The following BTBD18 variants were observed in gnomAD, a reference collection of about 807,000 sequenced individuals.
The protein encoded by BTBD18 is BTB domain containing 18.
For missense variants in BTBD18, 787 were observed against 846.3 expected (o/e 0.93, Z 0.87); for synonymous variants, 311 against 324.4 (o/e 0.96, Z 0.44).
In BTBD18 at chr11:57,743,911, T is replaced by C. The variant is rs555352298; in HGVS notation, c.*223A>G. 8.5e-4 allele frequency: 395 copies of C among 467,050 alleles called. No individual in the cohort carries two copies. Among genetic ancestry groups the C allele is most frequent in the Non-Finnish European group, 7.8e-4 (204 of 262,712 alleles). 28.9% of individuals were successfully genotyped at this position (467,050 alleles called of 1,614,324 possible). ...GTTTCAGTTGTCACTAACCGGAAAA[T>C]AGATTACAAATAAGATGGTACAAGT... is the stretch of plus-strand genomic sequence containing the variant. On this transcript the variant is annotated 3_prime_UTR_variant, in exon 3 of 3. Coordinates refer to ENST00000422652, the MANE Select transcript of BTBD18 (RefSeq NM_001145101.3).
rs982009625 is a variant in BTBD18, at chr11:57,743,879, A to G, written c.*255T>C. On this transcript the variant is annotated 3_prime_UTR_variant, in exon 3 of 3. Transcript: ENST00000422652. ...ATGACCCACCAGAATTGGGGAGCAC[A>G]CAGTTTGTTTCAGTTGTCACTAACC... 7 of 383,184 alleles carry G rather than the reference A, an allele frequency of 1.8e-5. No individual in the cohort carries two copies. The highest frequency in any genetic ancestry group is 8.3e-5 in the Admixed American group (2 of 24,230). 23.7% of individuals were successfully genotyped at this position (383,184 alleles called of 1,614,324 possible).
chr11:57,744,721 C>G lies in BTBD18; in HGVS notation c.1552G>C (p.Gly518Arg). 6.4e-7 allele frequency: 1 copy of G among 1,551,720 alleles called. No homozygotes were observed. Among genetic ancestry groups the G allele is most frequent in the Non-Finnish European group, 8.7e-7 (1 of 1,146,990 alleles). ...EPPIGSLESP[G>R]AEGCRTPTYH... is the part of the protein sequence containing the mutation. ...GTAGGCGTTCTGCAGCCCTCAGCCCCTGGACTCTCCAGAGACCCTATAGGT... is the reference window on the plus strand; with the variant it reads ...GTAGGCGTTCTGCAGCCCTCAGCCCGTGGACTCTCCAGAGACCCTATAGGT... The change falls in exon 3 of 3, where the codon GGG becomes CGG. Residue 518 changes from glycine (G) to arginine (R), a missense_variant. Gly to Arg is a moderately radical substitution (Grantham distance 125). Transcript: ENST00000422652.
At chr11:57,751,913 C>CT (rs753275476), upstream of BTBD18, 4 of 152,204 alleles carry the variant, frequency 2.6e-5, no homozygotes, top group Non-Finnish European at 5.9e-5. Context: ...CTCACAGAAC[C>CT]AAGGACGTTG....
At chr11:57,752,426 C>G (rs980795396), upstream of BTBD18, among the ~76,000 whole-genome samples, 25 of 151,784 alleles carry the variant, frequency 1.6e-4, no homozygotes, top group Non-Finnish European at 5.9e-5. Flanking sequence ...CTCAGCTACT[C>G]AGGAGGCTGA....
rs555874081 is a variant in BTBD18, at chr11:57,746,008, G to A, written c.265C>T (p.Leu89=). The change falls in exon 3 of 3, where the codon CTG becomes TTG. Residue 89 remains leucine (L), a synonymous_variant. Transcript: ENST00000422652. ...GGLKISTLRK[L]VDFLYTSEME... is the part of the protein sequence containing the mutation. ...TCTGAGGTATACAAGAAGTCCACCA[G>A]CTTCCTAAGTGTGCTGATCTTCAGG... 108 of 1,551,680 alleles carry A rather than the reference G, an allele frequency of 7.0e-5. No individual in the cohort carries two copies. In the East Asian group the frequency reaches 1.7e-3, roughly 25 times the overall value.
upstream of BTBD18, among the ~76,000 whole-genome samples, chr11:57,752,407 G>A (rs1002709607): frequency 1.3e-5 from 2 of 152,024 alleles, no homozygotes; most frequent in African/African-American, 4.8e-5. Context: ...GGTGGCAGGC[G>A]CCTGTAATCT....
At chr11:57,750,935 C>A in intron 2 of BTBD18, 130 bp downstream of exon 2, 1 of 670,214 alleles carries the variant, frequency 1.5e-6, no homozygotes, top group Non-Finnish European at 2.2e-6. Flanking sequence ...ACAAACAGCC[C>A]TTTACCAAAT....
rs200086984 is a variant in BTBD18 at position 57,750,528 on chromosome 11, TCTA to T, written c.124+534_124+536del. On this transcript the variant is annotated intron_variant, in intron 2 of 2. Transcript: ENST00000422652. ...CTGGCCATCATGGCAAAACCTCATC[TCTA>T]CTAAAAATACAAAAGTTAGCTGGGC... 4.6e-5 allele frequency among the ~76,000 whole-genome samples: 7 copies of T among 152,342 alleles called. No individual in the cohort carries two copies. In the East Asian group the frequency reaches 1.3e-3, roughly 29 times the overall value.
At position 57,744,011 on chromosome 11, in the gene BTBD18, C is replaced by G; in HGVS notation, c.*123G>C. ...CTTAGGGAAGGGAGGAAGGGACCTA[C>G]AAAGAGCCAGGGTACACCTGCCTCT... On this transcript the variant is annotated 3_prime_UTR_variant, in exon 3 of 3. Coordinates refer to ENST00000422652, the MANE Select transcript of BTBD18 (RefSeq NM_001145101.3). The G allele has an allele frequency of 1.5e-6, 1 of 682,760 alleles. No homozygotes were observed. Among genetic ancestry groups the G allele is most frequent in the Non-Finnish European group, 2.4e-6 (1 of 409,832 alleles). The allele number at this position is 682,760 out of a possible 1,614,324, so 42.3% of individuals were successfully genotyped here. A position where few individuals can be genotyped will look rare whatever the true frequency, so the allele number is the denominator to read the frequency against.
chr11:57,745,357 CTTTA>C lies in BTBD18; in HGVS notation c.912_915del (p.Asn304LysfsTer138). On this transcript the variant is annotated frameshift_variant, in exon 3 of 3. Coordinates refer to ENST00000422652, the MANE Select transcript of BTBD18 (RefSeq NM_001145101.3). LOFTEE classifies it low-confidence loss of function (END_TRUNC). ...GGTTTTGGCTTGTCCTCTGGTGTTT[CTTTA>C]TTTACACTCCTCTGCCGCCAAAGAC... 6.4e-7 allele frequency: 1 copy of C among 1,551,676 alleles called. No individual in the cohort carries two copies.
chr11:57,743,527 GTAAA>G lies in BTBD18; in HGVS notation c.*603_*606del, dbSNP rs1949134523. 1 of 152,066 alleles carries G rather than the reference GTAAA, an allele frequency of 6.6e-6. No homozygotes were observed. The highest frequency in any genetic ancestry group is 2.4e-5 in the African/African-American group (1 of 41,426). 9.4% of individuals were successfully genotyped at this position (152,066 alleles called of 1,614,324 possible). A position where few individuals can be genotyped will look rare whatever the true frequency, so the allele number is the denominator to read the frequency against. On this transcript the variant is annotated 3_prime_UTR_variant, in exon 3 of 3. Transcript: ENST00000422652. Reference sequence around the variant, plus strand: ...TACTTGTAAAAATTATGGGAGCAAAGTAAATAATTTATTTTTTAAAAAAGCAACT... The same window carrying G: ...TACTTGTAAAAATTATGGGAGCAAAGTAATTTATTTTTTAAAAAAGCAACT...
At position 57,745,517 on chromosome 11, in the gene BTBD18, G is replaced by A. The variant is rs1348770124; in HGVS notation, c.756C>T (p.Pro252=). The A allele has an allele frequency of 3.2e-6, 5 of 1,549,702 alleles. No homozygotes were observed. The highest frequency in any genetic ancestry group is 3.9e-5 in the Admixed American group (2 of 51,002). Residue 252 remains proline, a synonymous_variant, in exon 3 of 3, where the codon CCC becomes CCT. Coordinates refer to ENST00000422652, the MANE Select transcript of BTBD18 (RefSeq NM_001145101.3). The part of the protein sequence containing the change: ...PTVLSPPSLY[P]SVDKHLLPRK... ...TGGGCAACAGGTGTTTGTCCACAGA[G>A]GGGTACAAGCTGGGTGGGGAGAGCA...
intron 2 of BTBD18, among the ~76,000 whole-genome samples, chr11:57,747,756 C>A (rs1389922150): frequency 6.6e-6 from 1 of 152,068 alleles, no homozygotes; most frequent in African/African-American, 2.4e-5. Flanking sequence ...GCCTCGGCCT[C>A]CAAAAGTGCT....
At position 57,744,663 on chromosome 11, in the gene BTBD18, A is replaced by G. The variant is rs751295702; in HGVS notation, c.1610T>C (p.Ile537Thr). Reference sequence around the variant, plus strand: ...TGGTAGACACCATTCTTCCCCTTCAATCCAGTTCTTTCCTGTTTCTGTCAG... The same window carrying G: ...TGGTAGACACCATTCTTCCCCTTCAGTCCAGTTCTTTCCTGTTTCTGTCAG... ...YHLTETGKNW[I>T]EGEEWCLPDM... The change falls in exon 3 of 3, where the codon ATT becomes ACT. Residue 537 changes from isoleucine (I) to threonine (T), a missense_variant. Transcript: ENST00000422652. 11 of 1,551,418 alleles carry G rather than the reference A, an allele frequency of 7.1e-6. No individual in the cohort carries two copies. In the African/African-American group the frequency reaches 1.1e-4, roughly 15 times the overall value.
chr11:57,752,500 G>C (rs991989068), upstream of BTBD18, among the ~76,000 whole-genome samples: 1 of 151,864 alleles, frequency 6.6e-6, no homozygotes, highest in African/African-American at 2.4e-5. Flanking sequence ...ACTCCAGCCT[G>C]GGCGACAGAG....
chr11:57,744,169 A>G lies in BTBD18; in HGVS notation c.2104T>C (p.Ser702Pro). The G allele has an allele frequency of 1.9e-6, 3 of 1,550,998 alleles. No homozygotes were observed. The highest frequency in any genetic ancestry group is 2.6e-6 in the Non-Finnish European group (3 of 1,146,710). ...ATATCTACCTCTGTTTCTGACTCTG[A>G]GGAAGGGTCAGGCCACACGGAGGGA... ...TVPSVWPDPS[S>P]ESETEVDILT Residue 702 changes from serine to proline, a missense_variant, in exon 3 of 3, where the codon TCA becomes CCA. By Grantham distance (74) the Ser-to-Pro change is moderately conservative (BLOSUM62 -1). Coordinates refer to ENST00000422652, the MANE Select transcript of BTBD18 (RefSeq NM_001145101.3).
intron 2 of BTBD18, among the ~76,000 whole-genome samples, chr11:57,747,051 C>A (rs1590995784): frequency 6.6e-6 from 1 of 152,170 alleles, no homozygotes; most frequent in African/African-American, 2.4e-5. Context: ...TTGACTCACA[C>A]AAGAGTTCAA....
At chr11:57,747,543 C>T (rs1414550122) in intron 2 of BTBD18, among the ~76,000 whole-genome samples, 1 of 152,172 alleles carries the variant, frequency 6.6e-6, no homozygotes, top group Non-Finnish European at 1.5e-5. Flanking sequence ...GAGGCGGAGT[C>T]TCACTCTGTG....
At position 57,745,953 on chromosome 11, in the gene BTBD18, T is replaced by A; in HGVS notation, c.320A>T (p.Asp107Val). ...GAGCTGACGGGCAGCAGATAGCACATCCTGGGCTTCTTCTTGAGATACTTC... is the reference window on the plus strand; with the variant it reads ...GAGCTGACGGGCAGCAGATAGCACAACCTGGGCTTCTTCTTGAGATACTTC... ...EMEVSQEEAQ[D>V]VLSAARQLRV... The change falls in exon 3 of 3, where the codon GAT becomes GTT. Residue 107 changes from aspartate to valine, a missense_variant. Asp to Val is a radical substitution (Grantham distance 152). Transcript: ENST00000422652. 1 of 1,551,630 alleles carries A rather than the reference T, an allele frequency of 6.4e-7. No individual in the cohort carries two copies. The highest frequency in any genetic ancestry group is 8.7e-7 in the Non-Finnish European group (1 of 1,146,972).
Sources: gnomAD v4.1 joint callset for allele counts (sites outside exome capture counted in the v4.1 genomes callset) on GRCh38, gnomAD v4.1.1 for gene constraint, MANE v1.5 for transcripts, NCBI Gene and HGNC (gene_info 2026-07-23, HGNC 2026-07-21) for gene names.